RFX3: variants seen among roughly 807,000 people sequenced by gnomAD.
RFX3 encodes transcription factor RFX3.
In RFX3, 14 loss-of-function variants were observed where a neutral mutation model predicts 98.6. The ratio of observed to expected loss-of-function variants is 0.14; its 90% CI spans 0.09 to 0.22. RFX3 has a LOEUF of 0.22. Among genes scored for constraint, RFX3 ranks in the 10% least tolerant of loss-of-function variants. RFX3 has a pLI of 1.00. For synonymous variants in RFX3, 383 were observed against 328.4 expected (o/e 1.17, Z -1.80); for missense variants, 639 against 926.9 (o/e 0.69, Z 4.03).
At chr9:3,398,904 T>TA (rs1238539388) in intron 1 of RFX3, among the ~76,000 whole-genome samples, 2 of 108,470 alleles carry the variant, frequency 1.8e-5, no homozygotes, top group Non-Finnish European at 3.5e-5. Flanking sequence ...CCCTAAAACT[T>TA]AGAGTATAAT....
At chr9:3,482,783 ATGCTAAGTG>A (rs1849898016) in intron 1 of RFX3, among the ~76,000 whole-genome samples, 1 of 152,202 alleles carries the variant, frequency 6.6e-6, no homozygotes, top group African/African-American at 2.4e-5. Flanking sequence ...GTTACAAGAT[ATGCTAAGTG>A]TGCTATATTA....
chr9:3,325,499 C>CA (rs1174786079), intron 4 of RFX3, among the ~76,000 whole-genome samples: 1 of 151,924 alleles, frequency 6.6e-6, no homozygotes, highest in Non-Finnish European at 1.5e-5. Flanking sequence ...CTAATGTTAG[C>CA]AACAGCCCAT....
chr9:3,498,047 C>T (rs1418167098), intron 1 of RFX3, among the ~76,000 whole-genome samples: 1 of 151,954 alleles, frequency 6.6e-6, no homozygotes, highest in East Asian at 1.9e-4. Flanking sequence ...GACTGTAGTT[C>T]CAACTCTAGC....
rs565692069 is a variant in RFX3 at position 3,357,135 on chromosome 9, C to T, written c.118-10371G>A. ...CACTTTTTTCATAATATAATGCCTC[C>T]GCTTAAATTATTAAGTGCATCCCAA... On this transcript the variant is annotated intron_variant, in intron 2 of 16. Transcript: ENST00000617270. 3.8e-4 allele frequency among the ~76,000 whole-genome samples: 57 copies of T among 151,916 alleles called. No homozygotes were observed. The South Asian group carries it at 5.8e-3, about 15-fold the overall frequency.
chr9:3,345,850 T>A (rs1264866287), intron 3 of RFX3, among the ~76,000 whole-genome samples: 3 of 151,952 alleles, frequency 2.0e-5, no homozygotes, highest in Non-Finnish European at 4.4e-5. Context: ...ATCACGGAAA[T>A]AAATGAAATC....
chr9:3,312,209 T>C (rs1368953651), intron 4 of RFX3, among the ~76,000 whole-genome samples: 1 of 152,212 alleles, frequency 6.6e-6, no homozygotes, highest in Non-Finnish European at 1.5e-5. Context: ...CACATGTTTG[T>C]ATGTAGATGT....
At chr9:3,480,791 T>C (rs541080874) in intron 1 of RFX3, among the ~76,000 whole-genome samples, 2 of 152,062 alleles carry the variant, frequency 1.3e-5, no homozygotes, top group African/African-American at 4.8e-5. Context: ...CAGGAAAAAT[T>C]ATACATGCCC....
intron 1 of RFX3, among the ~76,000 whole-genome samples, chr9:3,456,309 C>T (rs553479791): frequency 6.6e-6 from 1 of 152,312 alleles, no homozygotes; most frequent in African/African-American, 2.4e-5. Flanking sequence ...TCTTTTAAAA[C>T]ATATCCACTT....
At chr9:3,316,845 A>G (rs921240335) in intron 4 of RFX3, among the ~76,000 whole-genome samples, 2 of 152,178 alleles carry the variant, frequency 1.3e-5, no homozygotes, top group African/African-American at 4.8e-5. Context: ...AGAACTACAA[A>G]CTACTGCTCA....
rs1023271472 is a variant in RFX3 at position 3,219,026 on chromosome 9, G to C, written c.*6016C>G. 1.3e-5 allele frequency: 2 copies of C among 152,080 alleles called. No homozygotes were observed. The highest frequency in any genetic ancestry group is 2.9e-5 in the Non-Finnish European group (2 of 68,000). The allele number at this position is 152,080 out of a possible 1,614,324, so 9.4% of individuals were successfully genotyped here. A position where few individuals can be genotyped will look rare whatever the true frequency, so the allele number is the denominator to read the frequency against. ...AGCACTACAATTAACCTAATTAAAA[G>C]TTTACCACCTCAGGCACAAATTTCC... On this transcript the variant is annotated 3_prime_UTR_variant, in exon 17 of 17. Transcript: ENST00000617270.
intron 1 of RFX3, among the ~76,000 whole-genome samples, chr9:3,504,936 A>ATG (rs1816729987): frequency 5.3e-5 from 1 of 18,916 alleles, no homozygotes; most frequent in African/African-American, 1.9e-4. Context: ...ATTATATATA[A>ATG]TATATATAAT....
chr9:3,396,617 C>T (rs988346514), intron 1 of RFX3, among the ~76,000 whole-genome samples: 1 of 149,602 alleles, frequency 6.7e-6, no homozygotes, highest in African/African-American at 2.5e-5. Flanking sequence ...AATCGCCACA[C>T]TGACTTCCAC....
At chr9:3,370,052 A>G (rs964469385) in intron 2 of RFX3, among the ~76,000 whole-genome samples, 10 of 146,858 alleles carry the variant, frequency 6.8e-5, no homozygotes, top group Middle Eastern at 3.3e-3. Flanking sequence ...CGTGTTAGCC[A>G]GGATGGTCTC....
rs58788880 is a variant in RFX3, at chr9:3,292,061, CAAAAAAAAAAAAAAAAAAAAAAA to C, written c.731+993_731+1015del. ...ACAGAAACAGAGTGAGACTCCATCT[CAAAAAAAAAAAAAAAAAAAAAAA>C]AAAAAAAAAAAAAAAACTCTTTACG... On this transcript the variant is annotated intron_variant, in intron 6 of 16. Coordinates refer to ENST00000617270, the MANE Select transcript of RFX3 (RefSeq NM_001282116.2). 1.0e-3 allele frequency among the ~76,000 whole-genome samples: 25 copies of C among 23,946 alleles called. 1 individual carries two copies. The highest frequency in any genetic ancestry group is 6.1e-3 in the East Asian group (5 of 818). The allele number at this position is 23,946 out of a possible 152,430, so 15.7% of individuals were successfully genotyped here.
chr9:3,426,770 T>C (rs986858726), intron 1 of RFX3, among the ~76,000 whole-genome samples: 1 of 152,210 alleles, frequency 6.6e-6, no homozygotes, highest in African/African-American at 2.4e-5. Flanking sequence ...ACTGTCTAGC[T>C]GGAGGGAAAC....
In RFX3 at chr9:3,223,784, T is replaced by G. The variant is rs556839725; in HGVS notation, c.*1258A>C. On this transcript the variant is annotated 3_prime_UTR_variant, in exon 17 of 17. Transcript: ENST00000617270. Reference sequence around the variant, plus strand: ...TTAGTCACATGAACAAAATAAACCTTACTAAACCTTAGCTTCAGTTCTGTT... The same window carrying G: ...TTAGTCACATGAACAAAATAAACCTGACTAAACCTTAGCTTCAGTTCTGTT... 14 of 152,310 alleles carry G rather than the reference T, an allele frequency of 9.2e-5. No individual in the cohort carries two copies. Among genetic ancestry groups the G allele is most frequent in the African/African-American group, 3.1e-4 (13 of 41,570 alleles). 9.4% of individuals were successfully genotyped at this position (152,310 alleles called of 1,614,324 possible).
intron 15 of RFX3, chr9:3,247,729 C>T: frequency 6.5e-7 from 1 of 1,530,534 alleles, no homozygotes; most frequent in Non-Finnish European, 8.8e-7. Context: ...CTTTTTCCCA[C>T]TTAAAATATT....
At chr9:3,446,504 T>C (rs1164221444) in intron 1 of RFX3, among the ~76,000 whole-genome samples, 1 of 152,050 alleles carries the variant, frequency 6.6e-6, no homozygotes, top group African/African-American at 2.4e-5. Context: ...GGAATAACCT[T>C]TCTGTGACCT....
chr9:3,302,051 A>G (rs1317703997), intron 4 of RFX3, among the ~76,000 whole-genome samples: 1 of 151,880 alleles, frequency 6.6e-6, no homozygotes, highest in Non-Finnish European at 1.5e-5. Flanking sequence ...TTTTGAGTTT[A>G]ATATGCATTA....
Sources: allele counts gnomAD v4.1 joint callset (sites outside exome capture counted in the v4.1 genomes callset), GRCh38; gene constraint gnomAD v4.1.1; transcripts MANE v1.5; gene names NCBI Gene and HGNC (gene_info 2026-07-23, HGNC 2026-07-21).